RNF220: variants seen among roughly 807,000 people sequenced by gnomAD.
RNF220 encodes the protein E3 ubiquitin-protein ligase RNF220.
A neutral mutation model predicts 67.1 loss-of-function variants in RNF220; 7 were observed. The ratio of observed to expected loss-of-function variants is 0.10; its 90% CI spans 0.06 to 0.20. RNF220 has a LOEUF of 0.20. RNF220 is among the 10% of genes least tolerant of loss of function. The pLI, the probability that RNF220 is intolerant of heterozygous loss-of-function variation, is 1.00. For missense variants in RNF220, 565 were observed against 740.3 expected (o/e 0.76, Z 2.75); for synonymous variants, 270 against 283.2 (o/e 0.95, Z 0.47).
At chr1:44,406,409 C>T (rs1035510912) in intron 1 of RNF220, among the ~76,000 whole-genome samples, 3 of 152,218 alleles carry the variant, frequency 2.0e-5, no homozygotes, top group African/African-American at 7.2e-5. Context: ...GGGTCGGGAC[C>T]CCCTCTCCCA....
intron 2 of RNF220, among the ~76,000 whole-genome samples, chr1:44,593,215 G>A (rs1306869000): frequency 6.6e-6 from 1 of 152,296 alleles, no homozygotes; most frequent in East Asian, 1.9e-4. Context: ...GACCCGCAGA[G>A]GGCAGCAAGA....
intron 2 of RNF220, among the ~76,000 whole-genome samples, chr1:44,441,641 A>G (rs2147898745): frequency 6.6e-6 from 1 of 152,300 alleles, no homozygotes; most frequent in South Asian, 2.1e-4. Flanking sequence ...ATTTGTGGAG[A>G]ACTGGGGAGG....
chr1:44,455,288 A>G (rs1482736921), intron 2 of RNF220, among the ~76,000 whole-genome samples: 1 of 152,206 alleles, frequency 6.6e-6, no homozygotes, highest in African/African-American at 2.4e-5. Flanking sequence ...AATGCCAAGG[A>G]GGACACCTCA....
At chr1:44,443,284 A>T (rs1379298190) in intron 2 of RNF220, among the ~76,000 whole-genome samples, 2 of 152,210 alleles carry the variant, frequency 1.3e-5, no homozygotes, top group Non-Finnish European at 2.9e-5. Context: ...TAGAAACAGG[A>T]TCCCTCCATT....
intron 5 of RNF220, among the ~76,000 whole-genome samples, chr1:44,631,291 G>C (rs1644110118): frequency 6.6e-6 from 1 of 152,256 alleles, no homozygotes. Flanking sequence ...AGGAGATACA[G>C]AGGTGGAGAT....
In RNF220 at chr1:44,622,980, G is replaced by T. The variant is rs569567915; in HGVS notation, c.804+193G>T. 6.8e-4 allele frequency among the ~76,000 whole-genome samples: 104 copies of T among 152,288 alleles called. 1 individual carries two copies. In the South Asian group the frequency reaches 0.02, roughly 29 times the overall value. ...GCGCCGTGTGTGTGTGTAAGTGTGT[G>T]TGGTCTGTGCATGAGTGAGAGTATG... On this transcript the variant is annotated intron_variant, in intron 4 of 14. Transcript: ENST00000361799. This position sits in a 1 kb window ranked among gnomAD's most constrained non-coding sequence, Gnocchi z 4.3.
intron 2 of RNF220, among the ~76,000 whole-genome samples, chr1:44,418,626 C>G (rs1445232630): frequency 2.8e-5 from 2 of 70,378 alleles, no homozygotes; most frequent in Non-Finnish European, 7.1e-5. Context: ...TTTGGTGGCC[C>G]TTTTTTGTTT....
intron 5 of RNF220, among the ~76,000 whole-genome samples, chr1:44,627,262 T>C (rs1435648199): frequency 1.4e-5 from 2 of 144,330 alleles, no homozygotes; most frequent in Non-Finnish European, 3.0e-5. Flanking sequence ...GGAGAATCAC[T>C]TGAACCCGGG....
intron 2 of RNF220, among the ~76,000 whole-genome samples, chr1:44,545,856 A>T (rs553764283): frequency 7.9e-5 from 12 of 151,630 alleles, no homozygotes; most frequent in African/African-American, 2.9e-4. Flanking sequence ...TCCTGGGTTC[A>T]AGCAATTCTC....
chr1:44,581,186 C>T (rs1188010837), intron 2 of RNF220, among the ~76,000 whole-genome samples: 1 of 152,262 alleles, frequency 6.6e-6, no homozygotes, highest in East Asian at 1.9e-4. Context: ...ACCACACTCA[C>T]ACACATATAT....
chr1:44,520,797 T>C lies in RNF220; in HGVS notation c.626-93368T>C, dbSNP rs527267990. ...CTAAGACTGTACAAGTTTCTTTGTA[T>C]CCCCGACATCAGGTATTGTTCATGG... On this transcript the variant is annotated intron_variant, in intron 2 of 14. Transcript: ENST00000361799. 3.9e-5 allele frequency among the ~76,000 whole-genome samples: 6 copies of C among 152,370 alleles called. No homozygotes were observed. The East Asian group carries it at 1.2e-3, about 29-fold the overall frequency.
chr1:44,418,122 AG>A (rs1002872795), intron 2 of RNF220, among the ~76,000 whole-genome samples: 23 of 133,928 alleles, frequency 1.7e-4, no homozygotes, highest in East Asian at 3.9e-4. Flanking sequence ...GTGACGGATA[AG>A]GGGGGGGCGC....
At chr1:44,640,792 C>T (rs1446787744) in intron 8 of RNF220, among the ~76,000 whole-genome samples, 3 of 152,234 alleles carry the variant, frequency 2.0e-5, no homozygotes, top group Non-Finnish European at 2.9e-5. Context: ...ACCGTAACTG[C>T]ATCTGTAACT....
In RNF220 at chr1:44,587,002, C is replaced by T. The variant is rs186755296; in HGVS notation, c.626-27163C>T. Among the ~76,000 whole-genome samples the T allele has an allele frequency of 3.6e-3, 542 of 152,160 alleles. 3 individuals are homozygous for T. Among genetic ancestry groups the T allele is most frequent in the Non-Finnish European group, 5.6e-3 (379 of 68,004 alleles). Reference sequence around the variant, plus strand: ...AATATTGTCCCCCTCCAGTCTCTACCGGAGACACCTCAACTGCCCTTGGAT... The same window carrying T: ...AATATTGTCCCCCTCCAGTCTCTACTGGAGACACCTCAACTGCCCTTGGAT... On this transcript the variant is annotated intron_variant, in intron 2 of 14. Coordinates refer to ENST00000361799, the MANE Select transcript of RNF220 (RefSeq NM_018150.4).
At chr1:44,566,485 C>T (rs1225756972) in intron 2 of RNF220, among the ~76,000 whole-genome samples, 1 of 145,876 alleles carries the variant, frequency 6.9e-6, no homozygotes, top group African/African-American at 2.4e-5. Flanking sequence ...GGGTCTCCAT[C>T]CTGGCTGTCA....
intron 2 of RNF220, among the ~76,000 whole-genome samples, chr1:44,415,627 AT>A (rs949211028): frequency 4.0e-5 from 6 of 148,824 alleles, no homozygotes; most frequent in East Asian, 4.0e-4. Context: ...TTCATAAAAT[AT>A]TTTTTAAATG....
At chr1:44,478,041 C>T (rs570736606) in intron 2 of RNF220, among the ~76,000 whole-genome samples, 1 of 152,272 alleles carries the variant, frequency 6.6e-6, no homozygotes, top group East Asian at 1.9e-4. Flanking sequence ...TGCAATGGCA[C>T]AATCTCGGCT....
In RNF220 at chr1:44,622,298, C is replaced by A. The variant is rs1424558973; in HGVS notation, c.759-444C>A. 6.6e-6 allele frequency among the ~76,000 whole-genome samples: 1 copy of A among 152,216 alleles called. No homozygotes were observed. The highest frequency in any genetic ancestry group is 1.5e-5 in the Non-Finnish European group (1 of 68,030). ...GAATCAGGGGGAGATCATTCCTGGC[C>A]TAACACAGTTTGCAGCATGTTGGAG... On this transcript the variant is annotated intron_variant, in intron 3 of 14. Coordinates refer to ENST00000361799, the MANE Select transcript of RNF220 (RefSeq NM_018150.4). This position sits in a 1 kb window ranked among gnomAD's most constrained non-coding sequence, Gnocchi z 4.3.
At chr1:44,641,757 G>C (rs1203974035) in intron 8 of RNF220, among the ~76,000 whole-genome samples, 1 of 152,240 alleles carries the variant, frequency 6.6e-6, no homozygotes, top group Non-Finnish European at 1.5e-5. Context: ...GCAGCAGCCT[G>C]TTCTGAACAC....
Sources: gnomAD v4.1 joint callset for allele counts (sites outside exome capture counted in the v4.1 genomes callset) on GRCh38, gnomAD v4.1.1 for gene constraint, Gnocchi (gnomAD v3.1) non-coding constraint, MANE v1.5 for transcripts, NCBI Gene and HGNC (gene_info 2026-07-23, HGNC 2026-07-21) for gene names.